WDR70: variants seen among roughly 807,000 people sequenced by gnomAD.
WDR70 encodes the protein WD repeat domain 70, also known as WD repeat-containing protein 70.
In WDR70, 53 loss-of-function variants were observed where a neutral mutation model predicts 88.6. The observed-to-expected ratio is 0.60, with a 90% CI of 0.48 to 0.75. The LOEUF (loss-of-function observed/expected upper bound fraction) is 0.75. Ranked by LOEUF, WDR70 falls within the 30% of genes least tolerant of loss-of-function variation. WDR70 has a pLI of 0.00. For synonymous variants in WDR70, 280 were observed against 270.0 expected (o/e 1.04, Z -0.36); for missense variants, 610 against 823.2 (o/e 0.74, Z 3.17).
rs1468822516 is a variant in WDR70 at position 37,719,840 on chromosome 5, CTTTCTT to C, written c.1417-1271_1417-1266del. 4.9e-4 allele frequency among the ~76,000 whole-genome samples: 50 copies of C among 101,444 alleles called. 1 individual carries two copies. The highest frequency in any genetic ancestry group is 1.1e-3 in the East Asian group (3 of 2,854). The allele number at this position is 101,444 out of a possible 152,430, so 66.6% of individuals were successfully genotyped here. ...TCTTTGTTTTTTTCTTTCTTTCTTT[CTTTCTT>C]TTTTTTTTTTTTAAGAGACAGAGTC... is the stretch of plus-strand genomic sequence containing the variant. On this transcript the variant is annotated intron_variant, in intron 13 of 17. Transcript: ENST00000265107.
chr5:37,502,698 G>A (rs1230856290), intron 8 of WDR70, among the ~76,000 whole-genome samples: 2 of 152,226 alleles, frequency 1.3e-5, no homozygotes, highest in Admixed American at 6.5e-5. Context: ...TCTGCATGCT[G>A]TACAGGAAGC....
At position 37,646,682 on chromosome 5, in the gene WDR70, G is replaced by T. The variant is rs544582913; in HGVS notation, c.1092+41444G>T. ...CTTCTTTCAGCTCTTTAAATGTCAT[G>T]CCACTCTCTCCTGGCCTGTAGAGTT... On this transcript the variant is annotated intron_variant, in intron 10 of 17. Transcript: ENST00000265107. 2.0e-5 allele frequency among the ~76,000 whole-genome samples: 3 copies of T among 152,028 alleles called. No individual in the cohort carries two copies. In the East Asian group the frequency reaches 5.8e-4, roughly 29 times the overall value.
intron 5 of WDR70, among the ~76,000 whole-genome samples, chr5:37,415,862 C>T (rs1281105861): frequency 1.3e-5 from 2 of 150,560 alleles, no homozygotes; most frequent in African/African-American, 2.4e-5. Flanking sequence ...GCGCTCCTCA[C>T]ATCCCAGACG....
chr5:37,516,664 T>C, intron 9 of WDR70, 74 bp downstream of exon 9: 1 of 934,824 alleles, frequency 1.1e-6, no homozygotes, highest in East Asian at 2.7e-5. Flanking sequence ...ATTGTTACAA[T>C]CTTGGCAGTA....
intron 5 of WDR70, among the ~76,000 whole-genome samples, chr5:37,418,546 T>C (rs1749833437): frequency 6.6e-6 from 1 of 152,146 alleles, no homozygotes; most frequent in Admixed American, 6.5e-5. Flanking sequence ...GGTAATCTCC[T>C]TTTCTCCTTT....
intron 8 of WDR70, chr5:37,506,129 G>T: frequency 8.9e-7 from 1 of 1,126,532 alleles, no homozygotes; most frequent in Non-Finnish European, 1.4e-6. Flanking sequence ...GGCTTAAATT[G>T]GCCATTTTGA....
chr5:37,388,611 G>T (rs1300192158), intron 3 of WDR70, among the ~76,000 whole-genome samples: 9 of 150,198 alleles, frequency 6.0e-5, no homozygotes, highest in African/African-American at 2.2e-4. Context: ...ATGGTGACTG[G>T]CGTCTATAAT....
intron 9 of WDR70, among the ~76,000 whole-genome samples, chr5:37,588,387 A>AT (rs1199080696): frequency 6.6e-6 from 1 of 152,056 alleles, no homozygotes; most frequent in Admixed American, 6.6e-5. Flanking sequence ...ACGGTACTAT[A>AT]TTTTTTGTGA....
At chr5:37,653,426 T>G (rs1222408809) in intron 10 of WDR70, among the ~76,000 whole-genome samples, 1 of 152,174 alleles carries the variant, frequency 6.6e-6, no homozygotes, top group African/African-American at 2.4e-5. Context: ...TCTGCCAGGT[T>G]TTGGTATCAG....
chr5:37,385,761 G>A (rs1432552152), intron 3 of WDR70, among the ~76,000 whole-genome samples: 2 of 151,600 alleles, frequency 1.3e-5, no homozygotes, highest in East Asian at 3.9e-4. Flanking sequence ...AAATTCCAAG[G>A]GTTTCAGAAG....
intron 5 of WDR70, among the ~76,000 whole-genome samples, chr5:37,426,207 T>C (rs1291118295): frequency 6.6e-6 from 1 of 152,034 alleles, no homozygotes; most frequent in Non-Finnish European, 1.5e-5. Flanking sequence ...AAAGGAAGAT[T>C]GTGATAGGAA....
chr5:37,401,838 G>A (rs1749204965), intron 5 of WDR70, among the ~76,000 whole-genome samples: 1 of 152,108 alleles, frequency 6.6e-6, no homozygotes, highest in Non-Finnish European at 1.5e-5. Context: ...GGGGTAGAGT[G>A]TGATCCTCCA....
At chr5:37,667,488 GC>G (rs1482256068) in intron 10 of WDR70, among the ~76,000 whole-genome samples, 6 of 152,088 alleles carry the variant, frequency 3.9e-5, no homozygotes, top group Non-Finnish European at 8.8e-5. Flanking sequence ...ATCACAGGAG[GC>G]CTTTAACTTA....
intron 16 of WDR70, among the ~76,000 whole-genome samples, chr5:37,725,285 T>C (rs1047995311): frequency 6.6e-6 from 1 of 151,968 alleles, no homozygotes; most frequent in Non-Finnish European, 1.5e-5. Context: ...ACTGGGGCCC[T>C]TTCTGCTTGG....
At chr5:37,570,451 T>C (rs1247132242) in intron 9 of WDR70, among the ~76,000 whole-genome samples, 1 of 152,084 alleles carries the variant, frequency 6.6e-6, no homozygotes, top group Non-Finnish European at 1.5e-5. Flanking sequence ...CTGATAGCTT[T>C]GAGAGTCATA....
At chr5:37,453,574 C>T (rs1451616655) in intron 7 of WDR70, among the ~76,000 whole-genome samples, 1 of 152,224 alleles carries the variant, frequency 6.6e-6, no homozygotes, top group Non-Finnish European at 1.5e-5. Context: ...CCAGCGTGGG[C>T]ATTATGGCCA....
At chr5:37,628,869 T>C (rs1469461229) in intron 10 of WDR70, among the ~76,000 whole-genome samples, 2 of 152,174 alleles carry the variant, frequency 1.3e-5, no homozygotes, top group Non-Finnish European at 2.9e-5. Flanking sequence ...CCAGTGAGTT[T>C]TATAGTTATA....
chr5:37,560,025 T>G (rs1742452791), intron 9 of WDR70, among the ~76,000 whole-genome samples: 1 of 152,146 alleles, frequency 6.6e-6, no homozygotes, highest in Admixed American at 6.5e-5. Context: ...ACTTTCAGAT[T>G]TTTAATGTTT....
intron 3 of WDR70, among the ~76,000 whole-genome samples, chr5:37,383,993 G>A (rs1364988789): frequency 4.6e-5 from 7 of 151,962 alleles, no homozygotes; most frequent in Non-Finnish European, 5.9e-5. Flanking sequence ...GCATTACTTC[G>A]TTTCCCCTTT....
Sources: allele counts gnomAD v4.1 joint callset (sites outside exome capture counted in the v4.1 genomes callset), GRCh38; gene constraint gnomAD v4.1.1; transcripts MANE v1.5; gene names NCBI Gene and HGNC (gene_info 2026-07-23, HGNC 2026-07-21).